Variants in ASAP1 observed in about 807,000 individuals in gnomAD.
ASAP1 encodes the protein ArfGAP with SH3 domain, ankyrin repeat and PH domain 1, also known as arf-GAP with SH3 domain, ANK repeat and PH domain-containing protein 1.
A neutral mutation model predicts 145.2 loss-of-function variants in ASAP1; 43 were observed. The observed-to-expected ratio is 0.30, with a 90% confidence interval of 0.23 to 0.38. The LOEUF (loss-of-function observed/expected upper bound fraction) is 0.38, where lower values mean the gene tolerates loss of function less well. ASAP1 is among the 10% of genes least tolerant of loss of function. ASAP1 has a pLI of 1.00. For synonymous variants in ASAP1, 546 were observed against 515.5 expected, an observed-to-expected ratio of 1.06 and a Z score of -0.80; for missense variants, 1,018 against 1,355.3, an observed-to-expected ratio of 0.75 and a Z score of 3.91.
chr8:130,355,863 A>C (rs1826275030), intron 3 of ASAP1, among the ~76,000 whole-genome samples: 1 of 152,176 alleles, frequency 6.6e-6, no homozygotes, highest in African/African-American at 2.4e-5. Context: ...GACCGGAGAC[A>C]ATGTTTTCCT....
At chr8:130,233,845 C>G (rs761840133) in intron 4 of ASAP1, among the ~76,000 whole-genome samples, 56 of 152,146 alleles carry the variant, frequency 3.7e-4, no homozygotes, top group Non-Finnish European at 6.5e-4. Flanking sequence ...TCTTTTCAAA[C>G]AAACAAATTA....
intron 3 of ASAP1, among the ~76,000 whole-genome samples, chr8:130,291,066 CCT>C (rs1486069820): frequency 6.6e-6 from 1 of 152,164 alleles, no homozygotes; most frequent in Non-Finnish European, 1.5e-5. Flanking sequence ...TGACTTTTCC[CCT>C]GAGGCTTGCC....
chr8:130,381,149 G>A (rs1586942873), intron 2 of ASAP1, among the ~76,000 whole-genome samples: 1 of 152,146 alleles, frequency 6.6e-6, no homozygotes, highest in Non-Finnish European at 1.5e-5. Flanking sequence ...GCCTCCCAAA[G>A]TGTTGGGATT....
At chr8:130,143,304 T>C (rs978773903) in intron 13 of ASAP1, among the ~76,000 whole-genome samples, 1 of 152,000 alleles carries the variant, frequency 6.6e-6, no homozygotes, top group Non-Finnish European at 1.5e-5. Context: ...GAGACAGAGA[T>C]AGTACAAAGA....
intron 1 of ASAP1, among the ~76,000 whole-genome samples, chr8:130,428,421 CCATCATCAT>C (rs1206044861): frequency 9.4e-4 from 1 of 1,062 alleles, no homozygotes; most frequent in Non-Finnish European, 2.4e-3. Flanking sequence ...ACCACCATCA[CCATCATCAT>C]CATCACCACC....
At chr8:130,104,723 C>T (rs1290342723) in intron 24 of ASAP1, among the ~76,000 whole-genome samples, 2 of 152,172 alleles carry the variant, frequency 1.3e-5, no homozygotes, top group African/African-American at 4.8e-5. Flanking sequence ...TTTCAAACAA[C>T]GACTATAAAG....
intron 3 of ASAP1, among the ~76,000 whole-genome samples, chr8:130,281,219 G>C (rs559697303): frequency 6.6e-6 from 1 of 152,124 alleles, no homozygotes; most frequent in South Asian, 2.1e-4. Flanking sequence ...AAGGATGCTG[G>C]GAGAAATAAA....
intron 4 of ASAP1, among the ~76,000 whole-genome samples, chr8:130,227,736 A>G (rs1817669322): frequency 1.3e-5 from 2 of 151,776 alleles, no homozygotes; most frequent in South Asian, 2.1e-4. Flanking sequence ...TCTGATCTCA[A>G]TGTCAGGGGT....
Position 130,358,371 on chromosome 8 carries a change from C to T in ASAP1, c.60-228G>A, listed in dbSNP as rs1826480150. ...GGCTCGGCGCGGGGCCCTTCAAACT[C>T]CAAGCCGCGCGCGAGGCAGGGGGCT... On this transcript the variant is annotated intron_variant, in intron 2 of 29. Transcript: ENST00000518721. The surrounding 1 kb of genome is among the most constrained non-coding windows in gnomAD (Gnocchi z 4.1). Among the ~76,000 whole-genome samples the T allele has an allele frequency of 6.8e-6, 1 of 147,810 alleles. No homozygotes were observed. Among genetic ancestry groups the T allele is most frequent in the Non-Finnish European group, 1.5e-5 (1 of 66,264 alleles).
intron 3 of ASAP1, among the ~76,000 whole-genome samples, chr8:130,350,136 G>A (rs1295180922): frequency 6.6e-6 from 1 of 152,200 alleles, no homozygotes; most frequent in African/African-American, 2.4e-5. Flanking sequence ...TGTCTTCTGA[G>A]ACCAGGACTT....
At chr8:130,148,914 G>A (rs1375137438) in intron 13 of ASAP1, among the ~76,000 whole-genome samples, 7 of 151,762 alleles carry the variant, frequency 4.6e-5, no homozygotes, top group African/African-American at 1.7e-4. Flanking sequence ...GGCTCACTGC[G>A]GCCTCTGCCT....
At chr8:130,157,010 T>C (rs114664442) in intron 12 of ASAP1, among the ~76,000 whole-genome samples, 3 of 152,212 alleles carry the variant, frequency 2.0e-5, no homozygotes, top group Non-Finnish European at 4.4e-5. Context: ...TCAATAGATA[T>C]GTAATAGTAC....
rs759521913 is a variant in ASAP1 at position 130,401,906 on chromosome 8, G to C, written c.38C>G (p.Ser13Trp). The stretch of plus-strand genomic sequence containing the variant: ...TCACCGATTCCATAGTGAATCTCTC[G>C]ACGAAAAACTGGAGAGCCTGGAGGC... ...SSASRLSSFS[S>W]RDSLWNRMPD... The change falls in exon 2 of 30, where the codon TCG becomes TGG. Residue 13 changes from serine (S) to tryptophan (W), a missense_variant. Physicochemically the swap from Ser to Trp is radical, Grantham distance 177 (BLOSUM62 -3). Transcript: ENST00000518721. 2.0e-5 allele frequency: 33 copies of C among 1,613,554 alleles called. No homozygotes were observed. The Admixed American group carries it at 5.3e-4, about 26-fold the overall frequency.
intron 3 of ASAP1, among the ~76,000 whole-genome samples, chr8:130,257,645 G>A (rs765929298): frequency 7.2e-5 from 11 of 151,962 alleles, no homozygotes; most frequent in South Asian, 6.2e-4. Context: ...ATCTACAGTC[G>A]GTAAATTTGG....
chr8:130,360,922 C>T (rs1359626035), intron 2 of ASAP1: 1 of 152,324 alleles, frequency 6.6e-6, no homozygotes, highest in Non-Finnish European at 1.5e-5. Context: ...AATTCTGTGA[C>T]TTGGAACAAA....
chr8:130,437,473 C>T (rs1010780371), intron 1 of ASAP1, among the ~76,000 whole-genome samples: 1 of 152,216 alleles, frequency 6.6e-6, no homozygotes, highest in Non-Finnish European at 1.5e-5. Context: ...CTACAGTAGA[C>T]CCCAGAATCT....
chr8:130,343,411 G>GT (rs1171800676), intron 3 of ASAP1, among the ~76,000 whole-genome samples: 7 of 152,176 alleles, frequency 4.6e-5, no homozygotes, highest in African/African-American at 1.7e-4. Context: ...CTCGCTTGAT[G>GT]TAACTTATAA....
At chr8:130,099,677 AT>A (rs2097525230) in intron 24 of ASAP1, among the ~76,000 whole-genome samples, 2 of 123,290 alleles carry the variant, frequency 1.6e-5, no homozygotes, top group Admixed American at 8.2e-5. Context: ...AAAGGATTTC[AT>A]TCTTTTTTTT....
chr8:130,236,386 CAA>C (rs1818216694), intron 4 of ASAP1, among the ~76,000 whole-genome samples: 2 of 151,710 alleles, frequency 1.3e-5, no homozygotes, highest in South Asian at 4.2e-4. Context: ...TCCAAGGTGA[CAA>C]AGTCACTAGA....
Sources: gnomAD v4.1 joint callset for allele counts (sites outside exome capture counted in the v4.1 genomes callset) on GRCh38, gnomAD v4.1.1 for gene constraint, Gnocchi (gnomAD v3.1) non-coding constraint, MANE v1.5 for transcripts, NCBI Gene and HGNC (gene_info 2026-07-23, HGNC 2026-07-21) for gene names.